SHC4: variants seen among roughly 807,000 people sequenced by gnomAD.
SHC4 encodes the protein SHC adaptor protein 4.
SHC4 carries 41 observed loss-of-function variants against 69.4 expected under a neutral mutation model. That is an observed-to-expected ratio of 0.59 (90% CI 0.46 to 0.77). The LOEUF is 0.77. Ranked by LOEUF, SHC4 falls within the 30% of genes least tolerant of loss-of-function variation. The pLI is 0.00. For synonymous variants in SHC4, 318 were observed against 299.3 expected (o/e 1.06, Z -0.64); for missense variants, 777 against 783.8 (o/e 0.99, Z 0.10).
chr15:48,905,069 C>A (rs79907016), intron 2 of SHC4, among the ~76,000 whole-genome samples: 4 of 152,112 alleles, frequency 2.6e-5, no homozygotes, highest in Non-Finnish European at 5.9e-5. Context: ...AGGTTTAGCA[C>A]GTCAAATCCT....
At chr15:48,864,725 G>A (rs1899524534) in intron 6 of SHC4, among the ~76,000 whole-genome samples, 1 of 152,066 alleles carries the variant, frequency 6.6e-6, no homozygotes, top group Non-Finnish European at 1.5e-5. Context: ...GGGATTACAG[G>A]CGTGAGCCAC....
At chr15:48,917,385 A>G (rs931326522) in intron 2 of SHC4, among the ~76,000 whole-genome samples, 9 of 152,026 alleles carry the variant, frequency 5.9e-5, no homozygotes, top group South Asian at 2.1e-4. Context: ...ACATTTTTAT[A>G]GGAAAGTTTA....
chr15:48,841,630 G>C (rs1030566491), intron 10 of SHC4, among the ~76,000 whole-genome samples: 1 of 152,180 alleles, frequency 6.6e-6, no homozygotes, highest in African/African-American at 2.4e-5. Flanking sequence ...AGACCACATG[G>C]GCTTTTTGGT....
chr15:48,830,234 G>A (rs1284895285), intron 11 of SHC4, among the ~76,000 whole-genome samples: 5 of 151,940 alleles, frequency 3.3e-5, no homozygotes, highest in African/African-American at 1.2e-4. Flanking sequence ...GATTACCATG[G>A]GGCTCGCATA....
At position 48,963,818 on chromosome 15, in the gene SHC4, A is replaced by G. The variant is rs985832382; in HGVS notation, c.-803T>C. 2.6e-5 allele frequency among the ~76,000 whole-genome samples: 4 copies of G among 152,204 alleles called. No individual in the cohort carries two copies. Among genetic ancestry groups the G allele is most frequent in the African/African-American group, 9.7e-5 (4 of 41,438 alleles). ...TTTCAGAAGCCCATTTGCAGCCGAA[A>G]GCTGAGATGTGCAGGATGATACGCA... On this transcript the variant is annotated 5_prime_UTR_variant, in exon 1 of 12. Transcript: ENST00000332408.
chr15:48,960,485 C>G lies in SHC4; in HGVS notation c.585+1946G>C, dbSNP rs140245707. On this transcript the variant is annotated intron_variant, in intron 1 of 11. Coordinates refer to ENST00000332408, the MANE Select transcript of SHC4 (RefSeq NM_203349.4). Reference sequence around the variant, plus strand: ...AATATTTCCATTATGTGCCATGTCACTGTGGGTGAGGGCGAGAGCTGCATG... The same window carrying G: ...AATATTTCCATTATGTGCCATGTCAGTGTGGGTGAGGGCGAGAGCTGCATG... Among the ~76,000 whole-genome samples, 41 of 152,304 alleles carry G rather than the reference C, an allele frequency of 2.7e-4. 1 individual carries two copies. Among genetic ancestry groups the G allele is most frequent in the African/African-American group, 9.1e-4 (38 of 41,564 alleles).
At chr15:48,909,726 C>T (rs1415511932) in intron 2 of SHC4, among the ~76,000 whole-genome samples, 12 of 152,008 alleles carry the variant, frequency 7.9e-5, no homozygotes, top group Admixed American at 7.9e-4. Flanking sequence ...TAAGGTGTGT[C>T]CTTTGTATGC....
At chr15:48,882,979 AT>A (rs925905016) in intron 4 of SHC4, among the ~76,000 whole-genome samples, 59 of 152,280 alleles carry the variant, frequency 3.9e-4, no homozygotes, top group Middle Eastern at 3.4e-3. Flanking sequence ...ACAAGAACTT[AT>A]TTGTAACTGT....
At chr15:48,860,201 A>G (rs1027370151) in intron 6 of SHC4, among the ~76,000 whole-genome samples, 8 of 152,216 alleles carry the variant, frequency 5.3e-5, no homozygotes, top group African/African-American at 1.9e-4. Flanking sequence ...TTAATCTCGT[A>G]AATTCCCAGT....
At chr15:48,947,441 C>T (rs1438990504) in intron 1 of SHC4, 2 of 152,122 alleles carry the variant, frequency 1.3e-5, no homozygotes, top group African/African-American at 4.8e-5. Flanking sequence ...TGTGTGTATA[C>T]ACAAATATGC....
At chr15:48,885,390 A>G (rs1900018053) in intron 3 of SHC4, among the ~76,000 whole-genome samples, 1 of 152,182 alleles carries the variant, frequency 6.6e-6, no homozygotes, top group Admixed American at 6.5e-5. Context: ...ATAACTAGAG[A>G]ACATTTAGCA....
At chr15:48,879,567 G>A (rs994529994) in intron 4 of SHC4, 3 of 167,026 alleles carry the variant, frequency 1.8e-5, no homozygotes, top group African/African-American at 7.2e-5. Context: ...GTTTTAACTT[G>A]ACAGATGAAG....
intron 7 of SHC4, among the ~76,000 whole-genome samples, 198 bp downstream of exon 7, chr15:48,857,494 T>G (rs1899346395): frequency 1.3e-5 from 2 of 152,150 alleles, no homozygotes; most frequent in Non-Finnish European, 2.9e-5. Context: ...CAAGAGGATA[T>G]AACTGGATAA....
intron 2 of SHC4, among the ~76,000 whole-genome samples, chr15:48,915,732 AC>A (rs1900607784): frequency 6.6e-6 from 1 of 152,178 alleles, no homozygotes; most frequent in Non-Finnish European, 1.5e-5. Flanking sequence ...GAACAATGCA[AC>A]CTGTTTTAAT....
chr15:48,931,483 T>C (rs1900963815), intron 1 of SHC4, among the ~76,000 whole-genome samples: 1 of 152,176 alleles, frequency 6.6e-6, no homozygotes, highest in Admixed American at 6.6e-5. Flanking sequence ...ATCTACCTAA[T>C]TACATAAACC....
chr15:48,886,484 A>G lies in SHC4; in HGVS notation c.721-2117T>C, dbSNP rs562164467. On this transcript the variant is annotated intron_variant, in intron 3 of 11. Coordinates refer to ENST00000332408, the MANE Select transcript of SHC4 (RefSeq NM_203349.4). ...CTAACAGTTAAAAGACCGATGGAAGAAAAAGGAGCGGAAAGCACACAGGAT... is the reference window on the plus strand; with the variant it reads ...CTAACAGTTAAAAGACCGATGGAAGGAAAAGGAGCGGAAAGCACACAGGAT... Among the ~76,000 whole-genome samples, 16 of 152,300 alleles carry G rather than the reference A, an allele frequency of 1.1e-4. No individual in the cohort carries two copies. The South Asian group carries it at 3.3e-3, about 32-fold the overall frequency.
At chr15:48,860,925 G>C (rs1899427679) in intron 6 of SHC4, among the ~76,000 whole-genome samples, 1 of 152,186 alleles carries the variant, frequency 6.6e-6, no homozygotes, top group Non-Finnish European at 1.5e-5. Flanking sequence ...AAGTCTCTGA[G>C]GAACAGGGCG....
intron 2 of SHC4, among the ~76,000 whole-genome samples, chr15:48,894,981 T>G (rs910005387): frequency 1.1e-4 from 17 of 152,096 alleles, no homozygotes; most frequent in Non-Finnish European, 1.8e-4. Context: ...CCTTTTTTAT[T>G]TTTTGTAGAG....
intron 2 of SHC4, among the ~76,000 whole-genome samples, chr15:48,905,609 C>G (rs1318488091): frequency 6.6e-6 from 1 of 152,212 alleles, no homozygotes; most frequent in Non-Finnish European, 1.5e-5. Flanking sequence ...TTTCATCTGA[C>G]TCTGCATGAT....
Sources: gnomAD v4.1 joint callset for allele counts (sites outside exome capture counted in the v4.1 genomes callset) on GRCh38, gnomAD v4.1.1 for gene constraint, MANE v1.5 for transcripts, NCBI Gene and HGNC (gene_info 2026-07-23, HGNC 2026-07-21) for gene names.